The following TENM4 variants were observed in gnomAD, a reference collection of about 807,000 sequenced individuals.
The protein encoded by TENM4 is teneurin-4.
TENM4 carries 82 observed loss-of-function variants against 243.3 expected under a neutral mutation model. The ratio of observed to expected loss-of-function variants is 0.34; its 90% CI spans 0.28 to 0.40. TENM4 has a LOEUF of 0.40. Ranked by LOEUF, TENM4 falls within the 10% of genes least tolerant of loss-of-function variation. The pLI is 1.00. For missense variants in TENM4, 3,138 were observed against 3,673.3 expected, an observed-to-expected ratio of 0.85 and a Z score of 3.77; for synonymous variants, 1,412 against 1,456.3, an observed-to-expected ratio of 0.97 and a Z score of 0.69.
At chr11:79,051,380 C>A (rs906566645) in intron 6 of TENM4, among the ~76,000 whole-genome samples, 1 of 152,232 alleles carries the variant, frequency 6.6e-6, no homozygotes, top group Non-Finnish European at 1.5e-5. Flanking sequence ...ACCCAGGCAG[C>A]CTGGCTCCAG....
chr11:79,401,012 C>T (rs1452235745), intron 1 of TENM4, among the ~76,000 whole-genome samples: 1 of 152,116 alleles, frequency 6.6e-6, no homozygotes, highest in Non-Finnish European at 1.5e-5. Flanking sequence ...TTTATAAGGC[C>T]TATGATTACT....
chr11:78,722,783 G>A lies in TENM4; in HGVS notation c.3685C>T (p.Leu1229Phe), dbSNP rs1855420580. The A allele has an allele frequency of 2.2e-5, 36 of 1,614,090 alleles. No individual in the cohort carries two copies. Among genetic ancestry groups the A allele is most frequent in the Non-Finnish European group, 3.0e-5 (35 of 1,179,894 alleles). ...CAGGTGAGGGCCACTGGGGCCAGGAGCTTGTTGCCGTCAGCAAGGCCGTTG... is the reference window on the plus strand; with the variant it reads ...CAGGTGAGGGCCACTGGGGCCAGGAACTTGTTGCCGTCAGCAAGGCCGTTG... ...SCNGLADGNK[L>F]LAPVALTCGS... The change falls in exon 24 of 34, where the codon CTC becomes TTC. Residue 1229 changes from leucine to phenylalanine, a missense_variant. Physicochemically the swap from Leu to Phe is conservative, Grantham distance 22 (BLOSUM62 0). Transcript: ENST00000278550.
chr11:79,403,247 G>T (rs1266399104), intron 1 of TENM4, among the ~76,000 whole-genome samples: 1 of 152,188 alleles, frequency 6.6e-6, no homozygotes, highest in Admixed American at 6.5e-5. Context: ...TGACAAAAAG[G>T]TTGTCGCCAT....
chr11:79,071,704 G>T (rs559027033), intron 4 of TENM4, among the ~76,000 whole-genome samples: 2 of 152,232 alleles, frequency 1.3e-5, no homozygotes, highest in East Asian at 3.9e-4. Context: ...GTTTTTCCAA[G>T]AGTGCAAACA....
At chr11:79,205,195 T>C (rs529424306) in intron 3 of TENM4, among the ~76,000 whole-genome samples, 1 of 152,202 alleles carries the variant, frequency 6.6e-6, no homozygotes, top group Non-Finnish European at 1.5e-5. Context: ...CATGCAGTTT[T>C]AAGAAACAAG....
intron 6 of TENM4, among the ~76,000 whole-genome samples, chr11:79,029,557 T>C (rs1859171862): frequency 6.6e-6 from 1 of 152,208 alleles, no homozygotes; most frequent in Admixed American, 6.5e-5. Context: ...TCTTAGAAGC[T>C]TGGCTGTCTT....
intron 2 of TENM4, among the ~76,000 whole-genome samples, chr11:79,279,328 G>A (rs1406741502): frequency 6.6e-6 from 1 of 152,168 alleles, no homozygotes; most frequent in Non-Finnish European, 1.5e-5. Flanking sequence ...AATCTTCTGA[G>A]AGTAGCAACA....
intron 6 of TENM4, among the ~76,000 whole-genome samples, chr11:78,933,297 T>C (rs1856712050): frequency 6.6e-6 from 1 of 152,066 alleles, no homozygotes; most frequent in Non-Finnish European, 1.5e-5. Flanking sequence ...CTTCACAGGG[T>C]AACTGGCACC....
chr11:79,274,795 CT>C (rs1326570566), intron 2 of TENM4, among the ~76,000 whole-genome samples: 7 of 152,162 alleles, frequency 4.6e-5, no homozygotes, highest in Admixed American at 3.9e-4. Context: ...GCATTTTCAA[CT>C]TAGTTTGGCT....
chr11:79,188,896 A>G (rs151115613), intron 3 of TENM4, among the ~76,000 whole-genome samples: 123 of 152,332 alleles, frequency 8.1e-4, no homozygotes, highest in African/African-American at 2.6e-3. Flanking sequence ...ACCTGCAAGC[A>G]TGCATAATAA....
At chr11:79,123,376 G>A (rs1942886) in intron 4 of TENM4, among the ~76,000 whole-genome samples, 132,999 of 152,116 alleles carry the variant, frequency 0.87, 59,186 homozygotes, top group Non-Finnish European at 0.97. Context: ...TGGAGCTGGG[G>A]TTCAACCCAG....
chr11:78,808,086 T>C (rs1857428547), intron 14 of TENM4, among the ~76,000 whole-genome samples: 1 of 152,236 alleles, frequency 6.6e-6, no homozygotes. Flanking sequence ...TTTAAATGTA[T>C]TCATTAATTA....
rs1226654676 is a variant in TENM4 at position 78,738,506 on chromosome 11, T to G, written c.2821A>C (p.Ile941Leu). 2 of 1,613,832 alleles carry G rather than the reference T, an allele frequency of 1.2e-6. No individual in the cohort carries two copies. The highest frequency in any genetic ancestry group is 1.3e-5 in the African/African-American group (1 of 74,918). The part of the protein sequence containing the change: ...SDGTPLVGVN[I>L]SFVNNPLFGY... Reference sequence around the variant, plus strand: ...AAGAGAGGGTTATTGACAAAACTGATGTTCACACCAACCAGGGGGGTTCCA... The same window carrying G: ...AAGAGAGGGTTATTGACAAAACTGAGGTTCACACCAACCAGGGGGGTTCCA... Residue 941 changes from isoleucine (I) to leucine (L), a missense_variant, in exon 20 of 34, where the codon ATC (isoleucine) becomes CTC (leucine). By Grantham distance (5) the Ile-to-Leu change is conservative. This residue lies in a region of TENM4 where 2,467 missense variants were observed against 3,059.1 expected (regional missense o/e 0.81). Coordinates refer to ENST00000278550, the MANE Select transcript of TENM4 (RefSeq NM_001098816.3).
At chr11:78,995,693 CTT>C (rs1338103363) in intron 6 of TENM4, among the ~76,000 whole-genome samples, 2 of 140,692 alleles carry the variant, frequency 1.4e-5, no homozygotes. Context: ...AACATCACTG[CTT>C]TTTTTTTTTT....
intron 1 of TENM4, among the ~76,000 whole-genome samples, chr11:79,435,693 G>A (rs1015172914): frequency 3.9e-5 from 6 of 152,182 alleles, no homozygotes; most frequent in Non-Finnish European, 8.8e-5. Context: ...TGAGAACCCC[G>A]GGCGGAGACT....
intron 3 of TENM4, among the ~76,000 whole-genome samples, chr11:79,164,498 A>C (rs1434037725): frequency 2.4e-5 from 3 of 125,470 alleles, no homozygotes; most frequent in Non-Finnish European, 4.7e-5. Flanking sequence ...CATATAGTGT[A>C]TATATATACA....
intron 4 of TENM4, among the ~76,000 whole-genome samples, chr11:79,111,377 C>G (rs1406502889): frequency 6.6e-6 from 1 of 152,084 alleles, no homozygotes; most frequent in East Asian, 1.9e-4. Context: ...AACCGCATCT[C>G]TACTAAAAAT....
intron 6 of TENM4, among the ~76,000 whole-genome samples, chr11:78,992,788 C>T (rs985379920): frequency 7.2e-5 from 11 of 152,116 alleles, no homozygotes; most frequent in South Asian, 2.1e-4. Context: ...TCTGCGTGAC[C>T]GGAGGCAATT....
chr11:78,914,667 A>C (rs1291671271), intron 6 of TENM4, among the ~76,000 whole-genome samples: 1 of 152,186 alleles, frequency 6.6e-6, no homozygotes, highest in African/African-American at 2.4e-5. Context: ...CCTGATCTCA[A>C]CATCACCAGC....
Sources: allele counts gnomAD v4.1 joint callset (sites outside exome capture counted in the v4.1 genomes callset), GRCh38; gene constraint gnomAD v4.1.1; regional missense constraint gnomAD v4.1.1; transcripts MANE v1.5; gene names NCBI Gene and HGNC (gene_info 2026-07-23, HGNC 2026-07-21).